The following PDE4D variants were observed in gnomAD, a reference collection of about 807,000 sequenced individuals.
PDE4D encodes 3',5'-cyclic-AMP phosphodiesterase 4D.
A neutral mutation model predicts 87.4 loss-of-function variants in PDE4D; 24 were observed. The observed-to-expected ratio is 0.27, with a 90% CI of 0.20 to 0.39. The LOEUF (loss-of-function observed/expected upper bound fraction) is 0.39. PDE4D is among the 10% of genes least tolerant of loss of function. The probability of loss-of-function intolerance (pLI) is 1.00; values close to 1 mark genes in which losing one functional copy is unlikely to be tolerated. For missense variants in PDE4D, 714 were observed against 1,041.0 expected (o/e 0.69, Z 4.32); for synonymous variants, 384 against 383.2 (o/e 1.00, Z -0.02).
At chr5:60,160,498 AT>A (rs1391818932) in intron 2 of PDE4D, among the ~76,000 whole-genome samples, 1 of 151,866 alleles carries the variant, frequency 6.6e-6, no homozygotes, top group Non-Finnish European at 1.5e-5. Context: ...CACTAACAAA[AT>A]TTTTTTTAAA....
intron 1 of PDE4D, among the ~76,000 whole-genome samples, chr5:59,343,357 TA>T (rs1346352022): frequency 6.6e-6 from 1 of 152,140 alleles, no homozygotes; most frequent in Non-Finnish European, 1.5e-5. Flanking sequence ...AACCCCCTTC[TA>T]TTATCTGCCT....
chr5:59,566,889 A>T (rs1821023945), intron 1 of PDE4D, among the ~76,000 whole-genome samples: 1 of 151,400 alleles, frequency 6.6e-6, no homozygotes, highest in Non-Finnish European at 1.5e-5. Context: ...AAAAAAAAAC[A>T]TGTTTGCTTG....
At chr5:60,222,032 C>T (rs1229814058) in intron 1 of PDE4D, among the ~76,000 whole-genome samples, 1 of 152,070 alleles carries the variant, frequency 6.6e-6, no homozygotes. Flanking sequence ...CATAGCCACA[C>T]CCTTCTCCCC....
chr5:60,520,696 G>A (rs1380943089), intron 1 of PDE4D, among the ~76,000 whole-genome samples: 1 of 152,338 alleles, frequency 6.6e-6, no homozygotes, highest in East Asian at 1.9e-4. Context: ...AGAAGGCACC[G>A]CCTAGGTTGG....
chr5:59,090,770 C>T (rs549274239), intron 5 of PDE4D, among the ~76,000 whole-genome samples: 1 of 150,018 alleles, frequency 6.7e-6, no homozygotes, highest in South Asian at 2.1e-4. Context: ...TGAGTGCTCC[C>T]AAGTATTATC....
chr5:60,241,273 T>C (rs964242325), intron 1 of PDE4D, among the ~76,000 whole-genome samples: 66 of 48,926 alleles, frequency 1.3e-3, no homozygotes, highest in African/African-American at 1.9e-3. Context: ...CTCTCTCTCT[T>C]TTTTTTTTTT....
chr5:59,639,770 G>T (rs1326075043), intron 1 of PDE4D, among the ~76,000 whole-genome samples: 2 of 151,492 alleles, frequency 1.3e-5, no homozygotes, highest in African/African-American at 4.9e-5. Flanking sequence ...TTTTACAGGA[G>T]TTCATAATAT....
intron 2 of PDE4D, among the ~76,000 whole-genome samples, chr5:59,992,383 T>G (rs1763099576): frequency 6.6e-6 from 1 of 152,226 alleles, no homozygotes; most frequent in Non-Finnish European, 1.5e-5. Flanking sequence ...GACTTCACCT[T>G]GTGATCGTGT....
chr5:59,840,371 A>G (rs1742803930), intron 1 of PDE4D, among the ~76,000 whole-genome samples: 1 of 151,368 alleles, frequency 6.6e-6, no homozygotes, highest in South Asian at 2.1e-4. Flanking sequence ...TTATCTTATC[A>G]TCTGATTCCT....
At chr5:59,649,758 C>T (rs909780692) in intron 1 of PDE4D, among the ~76,000 whole-genome samples, 2 of 150,424 alleles carry the variant, frequency 1.3e-5, no homozygotes, top group African/African-American at 4.9e-5. Context: ...TACCTGTCAC[C>T]GTTGCTTGGT....
chr5:59,080,603 G>T lies in PDE4D; in HGVS notation c.809-41632C>A, dbSNP rs1200883433. Among the ~76,000 whole-genome samples the T allele has an allele frequency of 2.6e-5, 4 of 152,102 alleles. No individual in the cohort carries two copies. In the East Asian group the frequency reaches 7.7e-4, roughly 29 times the overall value. ...TGGGAGCAAGTATCAGCTGAAAAGG[G>T]TGGCTTTCTCCTTAGGCAAAAGCTA... On this transcript the variant is annotated intron_variant, in intron 5 of 14. Transcript: ENST00000340635.
intron 1 of PDE4D, among the ~76,000 whole-genome samples, chr5:60,286,504 G>A (rs2149760668): frequency 6.6e-6 from 1 of 152,154 alleles, no homozygotes; most frequent in Non-Finnish European, 1.5e-5. Context: ...AGCTGCAAAT[G>A]ACACTTCTGC....
At chr5:59,373,560 G>T (rs571673928) in intron 1 of PDE4D, among the ~76,000 whole-genome samples, 21 of 152,084 alleles carry the variant, frequency 1.4e-4, no homozygotes, top group Non-Finnish European at 2.9e-4. Flanking sequence ...ACGACTCATT[G>T]GTGTCCCTGA....
At chr5:59,931,990 T>A (rs1017893252) in intron 3 of PDE4D, among the ~76,000 whole-genome samples, 1 of 152,174 alleles carries the variant, frequency 6.6e-6, no homozygotes, top group Admixed American at 6.5e-5. Flanking sequence ...CCTGAGCCAC[T>A]GTGGGGCGCG....
At chr5:59,877,203 G>A (rs1561803262) in intron 1 of PDE4D, among the ~76,000 whole-genome samples, 1 of 152,100 alleles carries the variant, frequency 6.6e-6, no homozygotes, top group African/African-American at 2.4e-5. Flanking sequence ...TGTTGTTGCT[G>A]TTTTGTTTTG....
chr5:60,409,464 T>C (rs1741859172), intron 1 of PDE4D, among the ~76,000 whole-genome samples: 1 of 152,130 alleles, frequency 6.6e-6, no homozygotes, highest in Non-Finnish European at 1.5e-5. Flanking sequence ...GTCTCTTCCC[T>C]AAAACCAGAA....
At chr5:60,443,556 G>A (rs987588561) in intron 1 of PDE4D, among the ~76,000 whole-genome samples, 1 of 152,132 alleles carries the variant, frequency 6.6e-6, no homozygotes, top group African/African-American at 2.4e-5. Flanking sequence ...AAATTGAGCG[G>A]CTTATGTCAG....
At chr5:60,401,034 G>T (rs1741033315) in intron 1 of PDE4D, among the ~76,000 whole-genome samples, 1 of 152,058 alleles carries the variant, frequency 6.6e-6, no homozygotes, top group Admixed American at 6.5e-5. Context: ...TGCAAACAGG[G>T]GTACTGTTTA....
chr5:60,315,532 T>C (rs1458225037), intron 1 of PDE4D, among the ~76,000 whole-genome samples: 1 of 152,192 alleles, frequency 6.6e-6, no homozygotes, highest in East Asian at 1.9e-4. Flanking sequence ...TGCCATTGCT[T>C]TTGGTGTTTT....
Sources: gnomAD v4.1 joint callset for allele counts (sites outside exome capture counted in the v4.1 genomes callset) on GRCh38, gnomAD v4.1.1 for gene constraint, MANE v1.5 for transcripts, NCBI Gene and HGNC (gene_info 2026-07-23, HGNC 2026-07-21) for gene names.